VASH1: variants seen among roughly 807,000 people sequenced by gnomAD.
The protein encoded by VASH1 is vasohibin 1.
Under a neutral mutation model 35.0 loss-of-function variants are expected in VASH1, and 16 were observed. The observed-to-expected ratio is 0.46, with a 90% CI of 0.31 to 0.70. The LOEUF is 0.70. VASH1 is among the 30% of genes least tolerant of loss of function. The pLI, the probability that VASH1 is intolerant of heterozygous loss-of-function variation, is 0.05. For synonymous variants in VASH1, 214 were observed against 200.9 expected, an observed-to-expected ratio of 1.07 and a Z score of -0.55; for missense variants, 505 against 510.7, an observed-to-expected ratio of 0.99 and a Z score of 0.11.
chr14:76,769,413 A>G, intron 1 of VASH1: 1 of 1,288,898 alleles, frequency 7.8e-7, no homozygotes, highest in Non-Finnish European at 1.0e-6. Flanking sequence ...CCGCTGACTG[A>G]CTCCTTGACA....
chr14:76,779,169 C>T lies in VASH1; in HGVS notation c.*151C>T. The T allele has an allele frequency of 3.5e-6, 3 of 858,524 alleles. No individual in the cohort carries two copies. In the Admixed American group the frequency reaches 6.0e-5, roughly 17 times the overall value. 53.2% of individuals were successfully genotyped at this position (858,524 alleles called of 1,614,324 possible). On this transcript the variant is annotated 3_prime_UTR_variant, in exon 7 of 7. Coordinates refer to ENST00000167106, the MANE Select transcript of VASH1 (RefSeq NM_014909.5). ...TGTTCCAGCTCAGCCCCCCAAGCTG[C>T]TCTCGCTCCCACTGAGCCAAGCCCC...
chr14:76,761,611 C>A lies in VASH1; in HGVS notation c.-1211C>A, dbSNP rs1015801479. Among the ~76,000 whole-genome samples, 1 of 151,956 alleles carries A rather than the reference C, an allele frequency of 6.6e-6. No homozygotes were observed. The highest frequency in any genetic ancestry group is 2.4e-5 in the African/African-American group (1 of 41,412). On this transcript the variant is annotated 5_prime_UTR_variant, in exon 1 of 7. Transcript: ENST00000167106. ...GGCTGGTGGGCTTCTCGTTGGCGGG[C>A]TCCGCGTTGGCGGGCTGCTCCCCAG...
chr14:76,778,251 G>GGC (rs1894002387), intron 6 of VASH1, among the ~76,000 whole-genome samples, 180 bp downstream of exon 6: 1 of 152,090 alleles, frequency 6.6e-6, no homozygotes, highest in East Asian at 1.9e-4. Flanking sequence ...CCCACAGCAA[G>GGC]GCAGTTCTAC....
chr14:76,773,440 A>G (rs1893846911), intron 4 of VASH1: 1 of 548,806 alleles, frequency 1.8e-6, no homozygotes, highest in Admixed American at 3.1e-5. Context: ...TCCCAGGCTT[A>G]CTGGGCAGCT....
At chr14:76,769,497 A>AC in intron 1 of VASH1, 1 of 1,288,110 alleles carries the variant, frequency 7.8e-7, no homozygotes, top group Admixed American at 2.3e-5. Flanking sequence ...AAGGATGCTC[A>AC]CCCCCCTCAG....
At chr14:76,777,599 A>G (rs973996235) in intron 5 of VASH1, among the ~76,000 whole-genome samples, 3 of 152,118 alleles carry the variant, frequency 2.0e-5, no homozygotes, top group Admixed American at 6.5e-5. Flanking sequence ...ACCCAGCATC[A>G]CCCTTGGGGT....
Position 76,778,057 on chromosome 14 carries a change from C to A in VASH1, c.1011C>A (p.Ser337Arg). The change falls in exon 6 of 7, where the codon AGC becomes AGA. Residue 337 changes from serine to arginine, a missense_variant. By Grantham distance (110) the Ser-to-Arg change is moderately radical. Coordinates refer to ENST00000167106, the MANE Select transcript of VASH1 (RefSeq NM_014909.5). ...AGTCCAGCCCCCACCGCAGGAACAG[C>A]CGCAGTGAAAGACGGTGAGAGAGGG... ...RAQSSPHRRNSRSERRPSGDK... is the reference protein window; with the variant it reads ...RAQSSPHRRNRRSERRPSGDK... 6.6e-7 allele frequency: 1 copy of A among 1,505,172 alleles called. No individual in the cohort carries two copies. Among genetic ancestry groups the A allele is most frequent in the South Asian group, 1.3e-5 (1 of 76,782 alleles). The allele number at this position is 1,505,172 out of a possible 1,614,324, so 93.2% of individuals were successfully genotyped here.
At chr14:76,778,707 C>G (rs1894014550) in intron 6 of VASH1, among the ~76,000 whole-genome samples, 1 of 152,218 alleles carries the variant, frequency 6.6e-6, no homozygotes, top group African/African-American at 2.4e-5. Context: ...CCAACTGCAG[C>G]CAGATTAGCC....
At chr14:76,770,559 G>A (rs1458473486) in intron 2 of VASH1, among the ~76,000 whole-genome samples, 1 of 152,092 alleles carries the variant, frequency 6.6e-6, no homozygotes, top group Non-Finnish European at 1.5e-5. Flanking sequence ...TAGGATGGTT[G>A]GCCAGCAGGG....
chr14:76,770,284 C>G (rs1893757794), intron 2 of VASH1, among the ~76,000 whole-genome samples: 1 of 152,144 alleles, frequency 6.6e-6, no homozygotes, highest in Non-Finnish European at 1.5e-5. Flanking sequence ...CTCTGCCACC[C>G]CCTTCCCGCT....
chr14:76,768,832 C>T (rs146309164), intron 1 of VASH1, among the ~76,000 whole-genome samples: 2,529 of 150,036 alleles, frequency 0.017, 34 homozygotes, highest in Non-Finnish European at 0.023. Context: ...CTTGGAGGGC[C>T]GGGTGGAGGC....
chr14:76,766,120 AC>A (rs1893635168), intron 1 of VASH1, among the ~76,000 whole-genome samples: 2 of 152,210 alleles, frequency 1.3e-5, no homozygotes, highest in South Asian at 4.1e-4. Context: ...TCTAATAGAT[AC>A]CCAGTAATGG....
intron 3 of VASH1, among the ~76,000 whole-genome samples, chr14:76,772,722 G>T (rs1452904229): frequency 2.0e-5 from 3 of 152,250 alleles, no homozygotes; most frequent in Admixed American, 2.0e-4. Context: ...TTGGGTCAGT[G>T]GTGTCTACTG....
chr14:76,776,732 G>C (rs935127430), intron 5 of VASH1, among the ~76,000 whole-genome samples: 8 of 152,184 alleles, frequency 5.3e-5, no homozygotes, highest in Non-Finnish European at 8.8e-5. Context: ...GGAGGTGATA[G>C]GGAGTTGGGC....
chr14:76,765,734 G>T (rs532154228), intron 1 of VASH1, among the ~76,000 whole-genome samples: 1 of 152,358 alleles, frequency 6.6e-6, no homozygotes, highest in East Asian at 1.9e-4. Flanking sequence ...AAGAAGACTT[G>T]GGAACACATG....
At chr14:76,769,816 T>G (rs1595271102) in intron 1 of VASH1, 147 bp from the exon 2 acceptor site, 1 of 793,130 alleles carries the variant, frequency 1.3e-6, no homozygotes, top group East Asian at 2.6e-5. Context: ...ATGAGTGGGG[T>G]GCCAAGAAAG....
chr14:76,770,301 G>A (rs1283898949), intron 2 of VASH1, among the ~76,000 whole-genome samples: 6 of 152,116 alleles, frequency 3.9e-5, no homozygotes, highest in African/African-American at 7.2e-5. Flanking sequence ...CGCTCCTGCC[G>A]TGTGATGGGG....
chr14:76,770,629 C>T (rs1893769164), intron 2 of VASH1, among the ~76,000 whole-genome samples: 1 of 151,976 alleles, frequency 6.6e-6, no homozygotes. Flanking sequence ...CCCCTGCACC[C>T]TGCCCCTGCA....
intron 4 of VASH1, chr14:76,774,872 C>T (rs1893890541): frequency 2.0e-5 from 3 of 152,276 alleles, no homozygotes; most frequent in African/African-American, 7.2e-5. Context: ...TGTGTGACCC[C>T]CAAGGAAGTT....
Sources: gnomAD v4.1 joint callset for allele counts (sites outside exome capture counted in the v4.1 genomes callset) on GRCh38, gnomAD v4.1.1 for gene constraint, MANE v1.5 for transcripts, NCBI Gene and HGNC (gene_info 2026-07-23, HGNC 2026-07-21) for gene names.